GSK3B: variants seen among roughly 807,000 people sequenced by gnomAD.
GSK3B encodes the protein glycogen synthase kinase 3 beta.
A neutral mutation model predicts 56.4 loss-of-function variants in GSK3B; 15 were observed. The ratio of observed to expected loss-of-function variants is 0.27; its 90% CI spans 0.18 to 0.41. The LOEUF is 0.41. Ranked by LOEUF, GSK3B falls within the 10% of genes least tolerant of loss-of-function variation. The pLI is 1.00. For synonymous variants in GSK3B, 181 were observed against 188.9 expected (o/e 0.96, Z 0.34); for missense variants, 300 against 513.4 (o/e 0.58, Z 4.02).
In GSK3B at chr3:119,822,313, G is replaced by T. The variant is rs993696434; in HGVS notation, c.*4475C>A. On this transcript the variant is annotated 3_prime_UTR_variant, in exon 11 of 11. Transcript: ENST00000264235. The stretch of plus-strand genomic sequence containing the variant: ...TTGTTTTTAAGATGGAAGTGGTCAC[G>T]CTAATTGGTATGTGTACAGGCCCAA... 1 of 190,652 alleles carries T rather than the reference G, an allele frequency of 5.2e-6. No individual in the cohort carries two copies. The highest frequency in any genetic ancestry group is 1.9e-4 in the South Asian group (1 of 5,138). The allele number at this position is 190,652 out of a possible 1,614,324, so 11.8% of individuals were successfully genotyped here. A position where few individuals can be genotyped will look rare whatever the true frequency, so the allele number is the denominator to read the frequency against.
chr3:120,069,179 T>C (rs981579435), intron 1 of GSK3B, among the ~76,000 whole-genome samples: 14 of 152,194 alleles, frequency 9.2e-5, no homozygotes, highest in African/African-American at 3.4e-4. Context: ...TTTTACTTTA[T>C]GAGAAAAGGT....
chr3:120,073,364 G>C (rs1258518261), intron 1 of GSK3B, among the ~76,000 whole-genome samples: 1 of 152,004 alleles, frequency 6.6e-6, no homozygotes, highest in African/African-American at 2.4e-5. Context: ...TTCAGCCTGG[G>C]CAAGAGAGCA....
chr3:119,919,102 A>G (rs1327807848), intron 4 of GSK3B, among the ~76,000 whole-genome samples: 1 of 152,224 alleles, frequency 6.6e-6, no homozygotes, highest in Non-Finnish European at 1.5e-5. Context: ...TTGCATTTTA[A>G]AACCTACTTA....
At chr3:120,004,859 G>A (rs1420650977) in intron 1 of GSK3B, among the ~76,000 whole-genome samples, 3 of 151,986 alleles carry the variant, frequency 2.0e-5, no homozygotes, top group Non-Finnish European at 4.4e-5. Context: ...AAACCATAAC[G>A]CCTCTTCTCC....
At chr3:120,010,442 T>C (rs889781784) in intron 1 of GSK3B, among the ~76,000 whole-genome samples, 4 of 152,334 alleles carry the variant, frequency 2.6e-5, no homozygotes, top group Non-Finnish European at 4.4e-5. Flanking sequence ...ATCCAAGGTA[T>C]TGAATGCATT....
At chr3:119,840,385 C>T (rs554203075) in intron 10 of GSK3B, among the ~76,000 whole-genome samples, 42 of 152,108 alleles carry the variant, frequency 2.8e-4, no homozygotes, top group African/African-American at 9.6e-4. Context: ...TCACCACGTC[C>T]GGCTAATTTT....
At chr3:119,864,690 G>T (rs1007950029) in intron 8 of GSK3B, among the ~76,000 whole-genome samples, 3 of 152,198 alleles carry the variant, frequency 2.0e-5, no homozygotes, top group Admixed American at 2.0e-4. Flanking sequence ...TCGTAAGAAT[G>T]GCTCATGTAA....
At chr3:120,079,249 C>A (rs758532849) in intron 1 of GSK3B, among the ~76,000 whole-genome samples, 5 of 148,014 alleles carry the variant, frequency 3.4e-5, no homozygotes, top group Non-Finnish European at 7.4e-5. Flanking sequence ...CCTGTCTCCT[C>A]TATCCTTTGA....
At chr3:119,980,846 A>G (rs1306304098) in intron 2 of GSK3B, among the ~76,000 whole-genome samples, 2 of 152,220 alleles carry the variant, frequency 1.3e-5, no homozygotes, top group East Asian at 3.8e-4. Flanking sequence ...GTTATGGAAA[A>G]AGAATCTTAT....
chr3:120,052,142 T>G (rs949342629), intron 1 of GSK3B, among the ~76,000 whole-genome samples: 1 of 152,200 alleles, frequency 6.6e-6, no homozygotes, highest in African/African-American at 2.4e-5. Flanking sequence ...AAAACAGGAT[T>G]TTCCATCCAT....
At chr3:119,854,125 T>A (rs1559808944) in intron 9 of GSK3B, among the ~76,000 whole-genome samples, 2 of 152,224 alleles carry the variant, frequency 1.3e-5, no homozygotes, top group African/African-American at 4.8e-5. Context: ...GTTTTTAGCA[T>A]GAAGGTCTGT....
At chr3:119,836,601 C>CT (rs533276225) in intron 10 of GSK3B, among the ~76,000 whole-genome samples, 18 of 150,826 alleles carry the variant, frequency 1.2e-4, no homozygotes, top group East Asian at 3.9e-4. Flanking sequence ...GATATGGTTA[C>CT]TTTTTTTTTA....
intron 9 of GSK3B, among the ~76,000 whole-genome samples, chr3:119,860,047 C>A (rs1176954193): frequency 6.6e-6 from 1 of 152,174 alleles, no homozygotes; most frequent in Non-Finnish European, 1.5e-5. Context: ...CTCAGGAGGA[C>A]AATGTTTACT....
chr3:119,852,451 C>T (rs532308563), intron 9 of GSK3B, among the ~76,000 whole-genome samples: 9 of 151,868 alleles, frequency 5.9e-5, no homozygotes, highest in East Asian at 5.8e-4. Context: ...TGGGTTCAGG[C>T]GATTCTCCTG....
At chr3:119,909,180 G>A (rs772561270) in intron 6 of GSK3B, among the ~76,000 whole-genome samples, 2 of 151,934 alleles carry the variant, frequency 1.3e-5, no homozygotes, top group Non-Finnish European at 2.9e-5. Context: ...CACCACGCCC[G>A]GCTAATTTTT....
intron 4 of GSK3B, among the ~76,000 whole-genome samples, chr3:119,919,489 C>CT (rs2056815186): frequency 7.0e-6 from 1 of 142,812 alleles, no homozygotes; most frequent in Non-Finnish European, 1.5e-5. Context: ...GCCAATAGAT[C>CT]TGGCCTCTGA....
intron 7 of GSK3B, among the ~76,000 whole-genome samples, chr3:119,898,478 G>A (rs910396238): frequency 6.6e-6 from 1 of 152,124 alleles, no homozygotes; most frequent in African/African-American, 2.4e-5. Flanking sequence ...TTTAGGGGTT[G>A]CATCACTAAT....
chr3:119,828,219 A>T (rs1223206603), intron 10 of GSK3B, among the ~76,000 whole-genome samples: 1 of 152,102 alleles, frequency 6.6e-6, no homozygotes, highest in African/African-American at 2.4e-5. Context: ...TCTACAACTA[A>T]CCATTATCTC....
intron 7 of GSK3B, among the ~76,000 whole-genome samples, chr3:119,900,084 T>C (rs973835810): frequency 6.6e-6 from 1 of 152,122 alleles, no homozygotes; most frequent in Non-Finnish European, 1.5e-5. Context: ...AACTAAACAG[T>C]AGTTTAGTAA....
Sources: gnomAD v4.1 joint callset for allele counts (sites outside exome capture counted in the v4.1 genomes callset) on GRCh38, gnomAD v4.1.1 for gene constraint, MANE v1.5 for transcripts, NCBI Gene and HGNC (gene_info 2026-07-23, HGNC 2026-07-21) for gene names.